ETV6: variants seen among roughly 807,000 people sequenced by gnomAD.
The protein encoded by ETV6 is ETS variant transcription factor 6.
In ETV6, 16 loss-of-function variants were observed where a neutral mutation model predicts 51.1. The observed-to-expected ratio is 0.31, with a 90% CI of 0.21 to 0.48. The LOEUF is 0.48. ETV6 is among the 20% of genes least tolerant of loss of function. The pLI is 0.99. For missense variants in ETV6, 458 were observed against 594.8 expected, an observed-to-expected ratio of 0.77 and a Z score of 2.39; for synonymous variants, 240 against 224.1, an observed-to-expected ratio of 1.07 and a Z score of -0.64.
chr12:11,782,985 C>G (rs1370123435), intron 2 of ETV6, among the ~76,000 whole-genome samples: 2 of 151,926 alleles, frequency 1.3e-5, no homozygotes, highest in Non-Finnish European at 2.9e-5. Context: ...GATGTGTGTT[C>G]AGAAGGCTTT....
chr12:11,657,358 T>C (rs1864019090), intron 1 of ETV6, among the ~76,000 whole-genome samples: 1 of 152,226 alleles, frequency 6.6e-6, no homozygotes. Context: ...CAGGCAAGAA[T>C]TCAGAAAGCA....
intron 1 of ETV6, among the ~76,000 whole-genome samples, chr12:11,684,068 C>T (rs539510014): frequency 5.3e-5 from 8 of 152,186 alleles, no homozygotes; most frequent in Non-Finnish European, 1.2e-4. Context: ...TCACTGACTT[C>T]GACAACTGAG....
intron 2 of ETV6, among the ~76,000 whole-genome samples, chr12:11,806,330 G>A (rs896185196): frequency 1.3e-5 from 2 of 152,204 alleles, no homozygotes; most frequent in Non-Finnish European, 1.5e-5. Flanking sequence ...AGAAACAATT[G>A]AGAGGCATTG....
chr12:11,681,749 T>C (rs7980119), intron 1 of ETV6, among the ~76,000 whole-genome samples: 25,768 of 151,998 alleles, frequency 0.17, 3,772 homozygotes, highest in African/African-American at 0.4. Context: ...CAGGCCCCAG[T>C]GTGTGATGTT....
At chr12:11,693,232 G>A (rs1375519287) in intron 1 of ETV6, among the ~76,000 whole-genome samples, 2 of 152,128 alleles carry the variant, frequency 1.3e-5, no homozygotes, top group Non-Finnish European at 2.9e-5. Flanking sequence ...TTAAAGGCAT[G>A]GGAGAACATT....
At chr12:11,784,223 A>G (rs532162886) in intron 2 of ETV6, among the ~76,000 whole-genome samples, 1 of 152,296 alleles carries the variant, frequency 6.6e-6, no homozygotes, top group African/African-American at 2.4e-5. Context: ...TGAGATCAGG[A>G]GTTCGAGACC....
At chr12:11,809,032 G>A (rs1358377572) in intron 2 of ETV6, among the ~76,000 whole-genome samples, 1 of 152,138 alleles carries the variant, frequency 6.6e-6, no homozygotes, top group East Asian at 1.9e-4. Flanking sequence ...GGGTGTGATG[G>A]CACGCGCCTG....
intron 2 of ETV6, among the ~76,000 whole-genome samples, chr12:11,807,326 C>A (rs188124176): frequency 4.6e-5 from 7 of 152,184 alleles, no homozygotes; most frequent in Non-Finnish European, 1.0e-4. Context: ...GCCAACATCA[C>A]TTTTTATTTA....
At chr12:11,737,733 T>A (rs1369187794) in intron 1 of ETV6, among the ~76,000 whole-genome samples, 1 of 152,224 alleles carries the variant, frequency 6.6e-6, no homozygotes. Context: ...GGTGTGAGAA[T>A]AATGCATCAT....
intron 1 of ETV6, among the ~76,000 whole-genome samples, chr12:11,725,555 T>C (rs1865472654): frequency 2.0e-5 from 3 of 152,372 alleles, no homozygotes; most frequent in Non-Finnish European, 4.4e-5. Flanking sequence ...TACACTCATC[T>C]GTATTACTTC....
At position 11,880,032 on chromosome 12, in the gene ETV6, TAAAAAAAAAAAA is replaced by T. The variant is rs59152213; in HGVS notation, c.1010-4405_1010-4394del. 8.8e-3 allele frequency among the ~76,000 whole-genome samples: 1,033 copies of T among 117,880 alleles called. 12 individuals carry two copies. The highest frequency in any genetic ancestry group is 0.031 in the African/African-American group (987 of 32,202). 77.3% of individuals were successfully genotyped at this position (117,880 alleles called of 152,430 possible). The stretch of plus-strand genomic sequence containing the variant: ...TGACATGGCTTGAATGTCAATTGTT[TAAAAAAAAAAAA>T]AAAAAAAGGAAAAAAAATCTATTGT... On this transcript the variant is annotated intron_variant, in intron 5 of 7. Transcript: ENST00000396373.
chr12:11,822,138 T>C (rs1230870373), intron 2 of ETV6, among the ~76,000 whole-genome samples: 1 of 152,172 alleles, frequency 6.6e-6, no homozygotes, highest in African/African-American at 2.4e-5. Context: ...CTCATTCACC[T>C]TGACATGCCC....
At chr12:11,863,819 T>C (rs1194174606) in intron 4 of ETV6, among the ~76,000 whole-genome samples, 1 of 152,234 alleles carries the variant, frequency 6.6e-6, no homozygotes, top group East Asian at 1.9e-4. Context: ...GCTGAGAATG[T>C]CATAGCCTAC....
chr12:11,727,042 A>G (rs4763722), intron 1 of ETV6, among the ~76,000 whole-genome samples: 149,620 of 152,356 alleles, frequency 0.98, 73,513 homozygotes, highest in Middle Eastern at 1. Flanking sequence ...GTCTGCAGCA[A>G]TTCAGAGAAA....
chr12:11,767,289 T>G (rs1169612757), intron 2 of ETV6, among the ~76,000 whole-genome samples: 2 of 152,222 alleles, frequency 1.3e-5, no homozygotes, highest in Non-Finnish European at 2.9e-5. Context: ...GAAATTAGAT[T>G]ATGATTTCAG....
chr12:11,866,990 G>A (rs937855843), intron 4 of ETV6, among the ~76,000 whole-genome samples: 5 of 152,166 alleles, frequency 3.3e-5, no homozygotes, highest in South Asian at 2.1e-4. Context: ...TGTGCTGCAC[G>A]GACTGGGGAG....
At chr12:11,653,507 C>T (rs1433949277) in intron 1 of ETV6, among the ~76,000 whole-genome samples, 3 of 152,158 alleles carry the variant, frequency 2.0e-5, no homozygotes, top group Non-Finnish European at 4.4e-5. Context: ...TTCGAGCTCC[C>T]CTTCTGGACT....
At chr12:11,774,288 A>G (rs1053651367) in intron 2 of ETV6, among the ~76,000 whole-genome samples, 3 of 152,090 alleles carry the variant, frequency 2.0e-5, no homozygotes, top group Non-Finnish European at 4.4e-5. Flanking sequence ...CCTGGATTTC[A>G]TTTTGGCCTG....
chr12:11,762,924 A>G (rs771818584), intron 2 of ETV6, among the ~76,000 whole-genome samples: 1 of 152,172 alleles, frequency 6.6e-6, no homozygotes, highest in Non-Finnish European at 1.5e-5. Context: ...AGAGAAACAA[A>G]TATGAGTAAG....
Sources: gnomAD v4.1 joint callset for allele counts (sites outside exome capture counted in the v4.1 genomes callset) on GRCh38, gnomAD v4.1.1 for gene constraint, MANE v1.5 for transcripts, NCBI Gene and HGNC (gene_info 2026-07-23, HGNC 2026-07-21) for gene names.